TMEM178B: variants seen among roughly 807,000 people sequenced by gnomAD.
The protein encoded by TMEM178B is transmembrane protein 178B.
In TMEM178B, 5 loss-of-function variants were observed where a neutral mutation model predicts 31.0. The observed-to-expected ratio is 0.16, with a 90% CI of 0.08 to 0.34. The LOEUF is 0.34. TMEM178B is among the 10% of genes least tolerant of loss of function. The probability of loss-of-function intolerance (pLI) is 1.00; values close to 1 mark genes in which losing one functional copy is unlikely to be tolerated. For synonymous variants in TMEM178B, 164 were observed against 164.0 expected (o/e 1.00, Z 0.00); for missense variants, 275 against 400.3 (o/e 0.69, Z 2.67).
rs370276978 is a variant in TMEM178B, at chr7:141,443,294, C to T, written c.634+5549C>T. Among the ~76,000 whole-genome samples the T allele has an allele frequency of 4.6e-5, 7 of 152,128 alleles. No individual in the cohort carries two copies. In the East Asian group the frequency reaches 7.7e-4, roughly 17 times the overall value. ...AAATATGTACATTATTATTAGCCAA[C>T]GGCCCCAGCTGACTCCGATTCCCTC... On this transcript the variant is annotated intron_variant, in intron 3 of 3. Transcript: ENST00000565468.
At chr7:141,151,969 G>T (rs1243804617) in intron 1 of TMEM178B, among the ~76,000 whole-genome samples, 3 of 152,172 alleles carry the variant, frequency 2.0e-5, no homozygotes, top group African/African-American at 7.2e-5. Context: ...TGGACAGTGT[G>T]CTACAGTGGG....
the TMEM178B span, among the ~76,000 whole-genome samples, chr7:141,489,401 G>A: frequency 3.9e-5 from 6 of 152,088 alleles, no homozygotes; most frequent in African/African-American, 1.4e-4. Context: ...CTAAGCTGCC[G>A]GTTGGCTTCT....
At chr7:141,387,251 A>G (rs535337417) in intron 2 of TMEM178B, among the ~76,000 whole-genome samples, 2 of 152,330 alleles carry the variant, frequency 1.3e-5, no homozygotes, top group East Asian at 1.9e-4. Flanking sequence ...TTTATTGAGC[A>G]TGTACTATGT....
chr7:141,157,045 G>A (rs183629576), intron 1 of TMEM178B, among the ~76,000 whole-genome samples: 8 of 152,300 alleles, frequency 5.3e-5, no homozygotes, highest in African/African-American at 1.7e-4. Flanking sequence ...GCCAGCAGAC[G>A]ACCCTGAGTA....
At chr7:141,411,792 A>C (rs539437867) in intron 2 of TMEM178B, among the ~76,000 whole-genome samples, 1 of 152,302 alleles carries the variant, frequency 6.6e-6, no homozygotes, top group African/African-American at 2.4e-5. Context: ...TTTTTCTTAC[A>C]AATAGGTTGA....
chr7:141,085,331 T>C (rs1056405475), intron 1 of TMEM178B, among the ~76,000 whole-genome samples: 1 of 151,942 alleles, frequency 6.6e-6, no homozygotes, highest in Non-Finnish European at 1.5e-5. Flanking sequence ...AGAGATGGCA[T>C]TTAAATGACC....
intron 1 of TMEM178B, among the ~76,000 whole-genome samples, chr7:141,095,453 G>T (rs1360083487): frequency 6.6e-6 from 1 of 152,094 alleles, no homozygotes; most frequent in Non-Finnish European, 1.5e-5. Context: ...TTTGGAATGT[G>T]TGTCATGACC....
At chr7:141,286,150 C>T (rs1389556166) in intron 2 of TMEM178B, among the ~76,000 whole-genome samples, 1 of 152,062 alleles carries the variant, frequency 6.6e-6, no homozygotes, top group Non-Finnish European at 1.5e-5. Context: ...TCCTGTAAAT[C>T]AAACGACTTA....
intron 2 of TMEM178B, among the ~76,000 whole-genome samples, chr7:141,410,436 C>A (rs1233553527): frequency 1.4e-5 from 2 of 144,694 alleles, no homozygotes; most frequent in South Asian, 2.3e-4. Flanking sequence ...TTTTTCTTTT[C>A]TTTTATTTTC....
chr7:141,496,656 C>T, the TMEM178B span, among the ~76,000 whole-genome samples: 3,033 of 108,816 alleles, frequency 0.028, 134 homozygotes, highest in African/African-American at 0.12. Flanking sequence ...GGCGACAGAG[C>T]GAGACTCCGT....
At chr7:141,333,302 A>G (rs1456911997) in intron 2 of TMEM178B, among the ~76,000 whole-genome samples, 1 of 152,222 alleles carries the variant, frequency 6.6e-6, no homozygotes, top group Non-Finnish European at 1.5e-5. Flanking sequence ...CTTCCCCAGC[A>G]TCAGCCCTTT....
chr7:141,144,460 AT>A (rs1795820616), intron 1 of TMEM178B, among the ~76,000 whole-genome samples: 1 of 152,154 alleles, frequency 6.6e-6, no homozygotes, highest in African/African-American at 2.4e-5. Flanking sequence ...TGTGCTAATT[AT>A]TTTTTCTCTG....
At chr7:141,152,500 G>T (rs983594637) in intron 1 of TMEM178B, among the ~76,000 whole-genome samples, 1 of 152,218 alleles carries the variant, frequency 6.6e-6, no homozygotes, top group East Asian at 1.9e-4. Flanking sequence ...CCTGGAACTT[G>T]AGGGCAGAGT....
rs564514382 is a variant in TMEM178B, at chr7:141,478,772, A to G, written c.*7986A>G. The G allele has an allele frequency of 9.2e-5, 14 of 152,270 alleles. No homozygotes were observed. Among genetic ancestry groups the G allele is most frequent in the African/African-American group, 3.1e-4 (13 of 41,530 alleles). 9.4% of individuals were successfully genotyped at this position (152,270 alleles called of 1,614,324 possible). On this transcript the variant is annotated 3_prime_UTR_variant, in exon 4 of 4. Transcript: ENST00000565468. ...GGCCCAGCCCTATTTCCAGTGTTCAATAGCCACACCTGACTACTGGTTGCT... is the reference window on the plus strand; with the variant it reads ...GGCCCAGCCCTATTTCCAGTGTTCAGTAGCCACACCTGACTACTGGTTGCT...
At chr7:141,280,734 CT>C (rs938754846) in intron 2 of TMEM178B, among the ~76,000 whole-genome samples, 1 of 152,000 alleles carries the variant, frequency 6.6e-6, no homozygotes, top group Non-Finnish European at 1.5e-5. Context: ...TTAAATGACA[CT>C]TTTTTCCTCC....
chr7:141,081,414 C>A (rs1461456895), intron 1 of TMEM178B, among the ~76,000 whole-genome samples: 1 of 152,072 alleles, frequency 6.6e-6, no homozygotes, highest in African/African-American at 2.4e-5. Context: ...GTGGGTGGAT[C>A]ACCTGAGGTC....
intron 2 of TMEM178B, among the ~76,000 whole-genome samples, chr7:141,427,319 A>G (rs1474861084): frequency 6.6e-6 from 1 of 152,224 alleles, no homozygotes; most frequent in Non-Finnish European, 1.5e-5. Flanking sequence ...AATATACTGC[A>G]AAACTATAGT....
chr7:141,498,040 C>T, the TMEM178B span, among the ~76,000 whole-genome samples: 1 of 152,166 alleles, frequency 6.6e-6, no homozygotes, highest in Non-Finnish European at 1.5e-5. Context: ...CTCTAAGCTA[C>T]CTTTTAAAGA....
chr7:141,452,425 G>A (rs572494244), intron 3 of TMEM178B, among the ~76,000 whole-genome samples: 59 of 152,196 alleles, frequency 3.9e-4, no homozygotes, highest in African/African-American at 1.4e-3. Flanking sequence ...TCACTTCCTT[G>A]CAGATTGGTC....
Sources: allele counts gnomAD v4.1 joint callset (sites outside exome capture counted in the v4.1 genomes callset), GRCh38; gene constraint gnomAD v4.1.1; transcripts MANE v1.5; gene names NCBI Gene and HGNC (gene_info 2026-07-23, HGNC 2026-07-21).